Variants in DIAPH3 observed in about 807,000 individuals in gnomAD.
DIAPH3 encodes the protein protein diaphanous homolog 3.
Under a neutral mutation model 144.3 loss-of-function variants are expected in DIAPH3, and 117 were observed. The ratio of observed to expected loss-of-function variants is 0.81; its 90% CI spans 0.70 to 0.95. The LOEUF is 0.95. Ranked by LOEUF, DIAPH3 falls within the 40% of genes least tolerant of loss-of-function variation. The probability of loss-of-function intolerance (pLI) is 0.00; values close to 1 mark genes in which losing one functional copy is unlikely to be tolerated. For missense variants in DIAPH3, 1,421 were observed against 1,412.7 expected, an observed-to-expected ratio of 1.01 and a Z score of -0.09; for synonymous variants, 519 against 488.9, an observed-to-expected ratio of 1.06 and a Z score of -0.81.
intron 4 of DIAPH3, among the ~76,000 whole-genome samples, chr13:60,087,786 C>CA (rs66948092): frequency 0.014 from 2,062 of 145,346 alleles, 26 homozygotes; most frequent in Non-Finnish European, 0.023. Context: ...TCCAAAATAT[C>CA]AAAAAAAAAA....
intron 25 of DIAPH3, among the ~76,000 whole-genome samples, chr13:59,791,229 C>T (rs1229250163): frequency 6.6e-6 from 1 of 152,138 alleles, no homozygotes; most frequent in African/African-American, 2.4e-5. Flanking sequence ...CTCAGCCTAC[C>T]AAAGTGTTGG....
intron 4 of DIAPH3, among the ~76,000 whole-genome samples, chr13:60,043,993 C>T (rs2141206721): frequency 6.6e-6 from 1 of 152,004 alleles, no homozygotes; most frequent in East Asian, 1.9e-4. Flanking sequence ...GGAGATAAGA[C>T]AGCTAACCAT....
At chr13:60,130,817 T>G (rs2059118840) in intron 2 of DIAPH3, among the ~76,000 whole-genome samples, 1 of 152,170 alleles carries the variant, frequency 6.6e-6, no homozygotes, top group African/African-American at 2.4e-5. Context: ...ACTCAAAAGT[T>G]TTTACCTTAC....
chr13:60,106,427 T>C (rs1335573632), intron 3 of DIAPH3, among the ~76,000 whole-genome samples: 1 of 152,174 alleles, frequency 6.6e-6, no homozygotes, highest in Non-Finnish European at 1.5e-5. Context: ...TTTCTAATAA[T>C]TTTAAATGAA....
chr13:59,856,517 C>T (rs2043262351), intron 22 of DIAPH3, among the ~76,000 whole-genome samples: 1 of 152,168 alleles, frequency 6.6e-6, no homozygotes, highest in South Asian at 2.1e-4. Flanking sequence ...AGATGGCCAC[C>T]TCCTCACTGT....
At chr13:59,735,757 CT>C (rs927542681) in intron 27 of DIAPH3, among the ~76,000 whole-genome samples, 2 of 151,872 alleles carry the variant, frequency 1.3e-5, no homozygotes, top group African/African-American at 4.8e-5. Context: ...TGCCTAATTT[CT>C]TTTTTTTGTT....
At chr13:60,005,038 T>C (rs1199590290) in intron 9 of DIAPH3, among the ~76,000 whole-genome samples, 1 of 152,154 alleles carries the variant, frequency 6.6e-6, no homozygotes, top group Non-Finnish European at 1.5e-5. Flanking sequence ...AAATAAGCAG[T>C]AGTTTAAAAA....
intron 5 of DIAPH3, among the ~76,000 whole-genome samples, chr13:60,024,743 A>G (rs766414516): frequency 1.1e-4 from 17 of 152,200 alleles, no homozygotes; most frequent in Non-Finnish European, 2.4e-4. Context: ...TATTTCAGTA[A>G]GCTTCCTATG....
intron 4 of DIAPH3, among the ~76,000 whole-genome samples, chr13:60,081,528 T>C (rs1367574662): frequency 1.3e-5 from 2 of 151,992 alleles, no homozygotes; most frequent in African/African-American, 2.4e-5. Flanking sequence ...GCTAGGCAGA[T>C]GGCAGCAGCA....
chr13:59,996,266 G>A (rs1205466106), intron 9 of DIAPH3, among the ~76,000 whole-genome samples: 1 of 151,970 alleles, frequency 6.6e-6, no homozygotes, highest in South Asian at 2.1e-4. Context: ...TCTCCTCTTT[G>A]CCCTAAATGC....
At chr13:59,857,781 T>C (rs1211689947) in intron 22 of DIAPH3, among the ~76,000 whole-genome samples, 1 of 152,158 alleles carries the variant, frequency 6.6e-6, no homozygotes, top group South Asian at 2.1e-4. Context: ...TTTAAGTTTC[T>C]TGATGAAGGA....
intron 20 of DIAPH3, among the ~76,000 whole-genome samples, chr13:59,896,468 G>A (rs2140149806): frequency 6.6e-6 from 1 of 152,084 alleles, no homozygotes. Context: ...GGAATGCAGA[G>A]TAAGATTTTA....
chr13:60,163,570 C>A lies in DIAPH3; in HGVS notation c.180+17G>T, dbSNP rs967362636. On this transcript the variant is annotated intron_variant, in intron 1 of 27. Coordinates refer to ENST00000400324, the MANE Select transcript of DIAPH3 (RefSeq NM_001042517.2). ...CGGGGCGGGAGCGGCCCCACCCTAG[C>A]TCCAGGCGATACTCACAAACTTGGG... The A allele has an allele frequency of 1.9e-6, 3 of 1,575,182 alleles. No homozygotes were observed. Among genetic ancestry groups the A allele is most frequent in the Non-Finnish European group, 2.6e-6 (3 of 1,157,396 alleles).
At chr13:59,836,987 T>G (rs1334045737) in intron 23 of DIAPH3, among the ~76,000 whole-genome samples, 2 of 152,022 alleles carry the variant, frequency 1.3e-5, no homozygotes, top group Non-Finnish European at 2.9e-5. Flanking sequence ...ATCTGACATG[T>G]CAGTCCTAAT....
At chr13:60,047,426 C>A (rs1024657229) in intron 4 of DIAPH3, among the ~76,000 whole-genome samples, 1 of 152,132 alleles carries the variant, frequency 6.6e-6, no homozygotes, top group Admixed American at 6.5e-5. Context: ...GGGGAGCTTA[C>A]ACTATCTGAT....
intron 25 of DIAPH3, among the ~76,000 whole-genome samples, chr13:59,792,131 A>C (rs2139409207): frequency 6.6e-6 from 1 of 152,330 alleles, no homozygotes; most frequent in South Asian, 2.1e-4. Flanking sequence ...GAAACTGGAC[A>C]GATGATCTCT....
At chr13:60,037,716 A>G (rs190899956) in intron 5 of DIAPH3, among the ~76,000 whole-genome samples, 1 of 152,146 alleles carries the variant, frequency 6.6e-6, no homozygotes, top group African/African-American at 2.4e-5. Flanking sequence ...AAAGTAGCAT[A>G]AATTAAAAAT....
intron 27 of DIAPH3, among the ~76,000 whole-genome samples, chr13:59,727,706 G>A (rs774152886): frequency 6.6e-5 from 10 of 152,140 alleles, no homozygotes; most frequent in South Asian, 2.1e-4. Flanking sequence ...TTAGGAAGAC[G>A]TGATGTAGAG....
chr13:59,966,205 G>T (rs2050041521), intron 17 of DIAPH3, among the ~76,000 whole-genome samples: 1 of 152,022 alleles, frequency 6.6e-6, no homozygotes, highest in South Asian at 2.1e-4. Flanking sequence ...CTTTCCCACA[G>T]AAGCGTTGTT....
Sources: gnomAD v4.1 joint callset for allele counts (sites outside exome capture counted in the v4.1 genomes callset) on GRCh38, gnomAD v4.1.1 for gene constraint, MANE v1.5 for transcripts, NCBI Gene and HGNC (gene_info 2026-07-23, HGNC 2026-07-21) for gene names.